XKR6: variants seen among roughly 807,000 people sequenced by gnomAD.
The protein encoded by XKR6 is XK-related protein 6.
Under a neutral mutation model 56.7 loss-of-function variants are expected in XKR6, and 22 were observed. The ratio of observed to expected loss-of-function variants is 0.39; its 90% CI spans 0.28 to 0.55. XKR6 has a LOEUF of 0.55. XKR6 is among the 20% of genes least tolerant of loss of function. XKR6 has a pLI of 0.66. For synonymous variants in XKR6, 524 were observed against 387.8 expected (o/e 1.35, Z -4.13); for missense variants, 852 against 889.0 (o/e 0.96, Z 0.53).
chr8:10,911,442 A>C (rs1453794683), intron 2 of XKR6, among the ~76,000 whole-genome samples: 2 of 147,050 alleles, frequency 1.4e-5, no homozygotes, highest in Non-Finnish European at 3.0e-5. Flanking sequence ...TATAGAGGGT[A>C]AGTATACATA....
chr8:11,013,651 C>T (rs1798549624), intron 1 of XKR6, among the ~76,000 whole-genome samples: 1 of 152,176 alleles, frequency 6.6e-6, no homozygotes, highest in Non-Finnish European at 1.5e-5. Context: ...GGAATGTCCC[C>T]ATCCATTAAT....
chr8:10,979,300 G>C (rs1797670444), intron 1 of XKR6, among the ~76,000 whole-genome samples: 2 of 152,040 alleles, frequency 1.3e-5, no homozygotes, highest in East Asian at 2.0e-4. Context: ...GAACACATAA[G>C]TTAACCGAAT....
At chr8:11,170,946 T>C (rs1012874226) in intron 1 of XKR6, among the ~76,000 whole-genome samples, 1 of 152,260 alleles carries the variant, frequency 6.6e-6, no homozygotes, top group Admixed American at 6.5e-5. Context: ...AGAATGATAC[T>C]CTGTTCTATC....
chr8:11,100,910 G>A (rs1010105161), intron 1 of XKR6, among the ~76,000 whole-genome samples: 1 of 152,176 alleles, frequency 6.6e-6, no homozygotes, highest in African/African-American at 2.4e-5. Flanking sequence ...GTGCTGCCGG[G>A]GGCATGCACT....
At chr8:11,034,871 G>T (rs749982550) in intron 1 of XKR6, among the ~76,000 whole-genome samples, 1 of 152,214 alleles carries the variant, frequency 6.6e-6, no homozygotes, top group Non-Finnish European at 1.5e-5. Flanking sequence ...AGCCTTGCCT[G>T]TTCCCTCACA....
At chr8:11,097,573 C>T (rs1254520931) in intron 1 of XKR6, among the ~76,000 whole-genome samples, 9 of 151,182 alleles carry the variant, frequency 6.0e-5, no homozygotes, top group African/African-American at 1.7e-4. Flanking sequence ...TTTGGGAGGC[C>T]GGGGTGGGCG....
chr8:11,201,279 C>G lies in XKR6; in HGVS notation c.61G>C (p.Asp21His). 2 of 1,582,088 alleles carry G rather than the reference C, an allele frequency of 1.3e-6. No individual in the cohort carries two copies. Among genetic ancestry groups the G allele is most frequent in the Admixed American group, 1.7e-5 (1 of 58,700 alleles). Reference sequence around the variant, plus strand: ...TCGCCGCCGCTGCCCACCGCCTCGTCCAGGTTGTGCAGCTGAGCGAAGCCC... The same window carrying G: ...TCGCCGCCGCTGCCCACCGCCTCGTGCAGGTTGTGCAGCTGAGCGAAGCCC... ...GVGFAQLHNL[D>H]EAVGSGGEED... is the part of the protein sequence containing the mutation. The change falls in exon 1 of 3, where the codon GAC becomes CAC. Residue 21 changes from aspartate (D) to histidine (H), a missense_variant. Physicochemically the swap from Asp to His is moderately conservative, Grantham distance 81. Around this residue, in one of 4 missense-constraint regions of XKR6, gnomAD observed 417 missense variants for 355.2 expected, o/e 1.17. Coordinates refer to ENST00000416569, the MANE Select transcript of XKR6 (RefSeq NM_173683.4).
At chr8:11,123,551 C>T (rs1226644082) in intron 1 of XKR6, 1 of 264,610 alleles carries the variant, frequency 3.8e-6, no homozygotes, top group Non-Finnish European at 7.4e-6. Context: ...TCATCACCAA[C>T]CTCAAACTGG....
At chr8:10,902,484 G>A (rs191701652) in intron 2 of XKR6, among the ~76,000 whole-genome samples, 1 of 152,132 alleles carries the variant, frequency 6.6e-6, no homozygotes, top group African/African-American at 2.4e-5. Context: ...ATGTCGCGCT[G>A]CTCCCACTCT....
chr8:11,062,141 T>C (rs1158428094), intron 1 of XKR6, among the ~76,000 whole-genome samples: 3 of 151,874 alleles, frequency 2.0e-5, no homozygotes, highest in Non-Finnish European at 4.4e-5. Flanking sequence ...TCTGGAAGTA[T>C]GACAGGACAA....
intron 1 of XKR6, among the ~76,000 whole-genome samples, chr8:11,048,055 T>A (rs1178561394): frequency 2.0e-5 from 3 of 152,098 alleles, no homozygotes; most frequent in Non-Finnish European, 4.4e-5. Context: ...TCCACCTCTT[T>A]AGCAACCCAG....
chr8:11,086,595 T>A (rs1309465110), intron 1 of XKR6, among the ~76,000 whole-genome samples: 1 of 152,172 alleles, frequency 6.6e-6, no homozygotes, highest in Non-Finnish European at 1.5e-5. Context: ...TAAAAAGCTT[T>A]CAATGACAAT....
rs144527225 is a variant in XKR6, at chr8:11,153,256, T to C, written c.764+47320A>G. On this transcript the variant is annotated intron_variant, in intron 1 of 2. Transcript: ENST00000416569. ...CTCCCAATTGACCCAAATAAACCAA[T>C]TTACTGGGTCAAGAGAGAGCATGAA... Among the ~76,000 whole-genome samples the C allele has an allele frequency of 3.2e-4, 48 of 152,182 alleles. 1 individual carries two copies. Among genetic ancestry groups the C allele is most frequent in the Admixed American group, 2.4e-3 (36 of 15,288 alleles).
At chr8:10,954,690 G>C (rs2129128112) in intron 1 of XKR6, among the ~76,000 whole-genome samples, 1 of 152,068 alleles carries the variant, frequency 6.6e-6, no homozygotes, top group South Asian at 2.1e-4. Context: ...GTTTTCTTTT[G>C]TCATTTGTGC....
intron 1 of XKR6, among the ~76,000 whole-genome samples, chr8:11,183,194 G>T (rs112913012): frequency 6.6e-6 from 1 of 152,098 alleles, no homozygotes; most frequent in Non-Finnish European, 1.5e-5. Context: ...ATATCTCCTT[G>T]AGACCCTCCT....
intron 1 of XKR6, among the ~76,000 whole-genome samples, chr8:10,953,369 C>A (rs1801785972): frequency 6.6e-6 from 1 of 152,148 alleles, no homozygotes; most frequent in African/African-American, 2.4e-5. Flanking sequence ...CCTGCTCCCA[C>A]CATCTGAGAT....
intron 1 of XKR6, among the ~76,000 whole-genome samples, chr8:11,015,084 T>G (rs1035844363): frequency 1.3e-5 from 2 of 152,100 alleles, no homozygotes; most frequent in African/African-American, 4.8e-5. Context: ...TCATCTACGA[T>G]CAGGGAAGCC....
At chr8:11,134,246 G>C in intron 1 of XKR6, among the ~76,000 whole-genome samples, 1 of 152,100 alleles carries the variant, frequency 6.6e-6, no homozygotes, top group East Asian at 1.9e-4. Flanking sequence ...ATCACAGTGT[G>C]TGTTACTGTT....
intron 1 of XKR6, among the ~76,000 whole-genome samples, chr8:10,976,192 G>GCC (rs5889353): frequency 8.1e-5 from 12 of 148,932 alleles, no homozygotes; most frequent in African/African-American, 3.0e-4. Context: ...AAAAAAAAGT[G>GCC]CCCCCCCCCA....
Sources: allele counts gnomAD v4.1 joint callset (sites outside exome capture counted in the v4.1 genomes callset), GRCh38; gene constraint gnomAD v4.1.1; regional missense constraint gnomAD v4.1.1; transcripts MANE v1.5; gene names NCBI Gene and HGNC (gene_info 2026-07-23, HGNC 2026-07-21).